The following RGS9 variants were observed in gnomAD, a reference collection of about 807,000 sequenced individuals.
RGS9 encodes regulator of G protein signaling 9, also known as regulator of G-protein signalling 9.
A neutral mutation model predicts 102.0 loss-of-function variants in RGS9; 78 were observed. That is an observed-to-expected ratio of 0.76 (90% CI 0.64 to 0.92). RGS9 has a LOEUF of 0.92. Among genes scored for constraint, RGS9 ranks in the 40% least tolerant of loss-of-function variants. The pLI, the probability that RGS9 is intolerant of heterozygous loss-of-function variation, is 0.00. For synonymous variants in RGS9, 353 were observed against 318.6 expected (o/e 1.11, Z -1.15); for missense variants, 833 against 866.1 (o/e 0.96, Z 0.48).
Position 65,207,948 on chromosome 17 carries a change from T to A in RGS9, c.1230T>A (p.Ser410=). The change falls in exon 16 of 19, where the codon TCT becomes TCA. Residue 410 remains serine (S), a synonymous_variant. Coordinates refer to ENST00000262406, the MANE Select transcript of RGS9 (RefSeq NM_003835.4). ...KKDSYARYLK[S]PIYKDMLAKA... ...ATTCTTATGCTCGCTATTTAAAATC[T>A]CCGATCTATAAGGACATGCTGGCCA... 1 of 1,613,156 alleles carries A rather than the reference T, an allele frequency of 6.2e-7. No individual in the cohort carries two copies. Among genetic ancestry groups the A allele is most frequent in the Non-Finnish European group, 8.5e-7 (1 of 1,179,204 alleles).
At chr17:65,170,211 T>C (rs1196562828) in intron 8 of RGS9, among the ~76,000 whole-genome samples, 1 of 152,092 alleles carries the variant, frequency 6.6e-6, no homozygotes, top group African/African-American at 2.4e-5. Context: ...TGCACCACCA[T>C]GTCCGGCTAA....
chr17:65,221,423 T>C (rs1171925111), intron 17 of RGS9, among the ~76,000 whole-genome samples: 2 of 152,218 alleles, frequency 1.3e-5, no homozygotes, highest in Non-Finnish European at 2.9e-5. Flanking sequence ...GTTAATTCTG[T>C]ATCTCTCTTG....
chr17:65,190,405 A>T (rs549376600), intron 11 of RGS9, among the ~76,000 whole-genome samples, 169 bp downstream of exon 11: 1 of 152,290 alleles, frequency 6.6e-6, no homozygotes, highest in South Asian at 2.1e-4. Flanking sequence ...CCTCAGAATA[A>T]ACCTCCGGGT....
intron 2 of RGS9, 138 bp from the exon 3 acceptor site, chr17:65,158,157 G>A: frequency 1.2e-6 from 1 of 805,070 alleles, no homozygotes; most frequent in East Asian, 2.5e-5. Flanking sequence ...ATGATGAGGT[G>A]GGGGTTTCTG....
rs534526636 is a variant in RGS9, at chr17:65,198,727, A to C, written c.976+1486A>C. Among the ~76,000 whole-genome samples, 3 of 152,350 alleles carry C rather than the reference A, an allele frequency of 2.0e-5. No individual in the cohort carries two copies. The South Asian group carries it at 6.2e-4, about 32-fold the overall frequency. On this transcript the variant is annotated intron_variant, in intron 13 of 18. Coordinates refer to ENST00000262406, the MANE Select transcript of RGS9 (RefSeq NM_003835.4). ...CTGGGGGCATCACTCCTGAGCCTTG[A>C]CACTCAGCTGCTTACTACCCAAGAT... is the stretch of plus-strand genomic sequence containing the variant.
chr17:65,217,410 C>T (rs745774470), intron 17 of RGS9, among the ~76,000 whole-genome samples: 3 of 152,288 alleles, frequency 2.0e-5, no homozygotes, highest in South Asian at 4.1e-4. Context: ...CCCATCCTGC[C>T]GTGCCGAATC....
chr17:65,160,710 T>C, intron 5 of RGS9, 123 bp downstream of exon 5: 2 of 1,389,148 alleles, frequency 1.4e-6, no homozygotes, highest in Non-Finnish European at 1.0e-6. Flanking sequence ...ACATCTGTAC[T>C]GGGCATGTCC....
At chr17:65,163,572 C>T (rs192477391) in intron 7 of RGS9, among the ~76,000 whole-genome samples, 49 of 152,248 alleles carry the variant, frequency 3.2e-4, no homozygotes, top group African/African-American at 1.2e-3. Context: ...TCAAAAGACA[C>T]AGTCTCATAG....
intron 17 of RGS9, among the ~76,000 whole-genome samples, chr17:65,218,839 G>A (rs968637052): frequency 6.6e-6 from 1 of 152,234 alleles, no homozygotes; most frequent in South Asian, 2.1e-4. Context: ...TTCAGCACCT[G>A]TTACATGCCC....
chr17:65,171,147 G>C (rs1014467430), intron 8 of RGS9, among the ~76,000 whole-genome samples: 12 of 152,190 alleles, frequency 7.9e-5, no homozygotes, highest in Admixed American at 2.6e-4. Flanking sequence ...GTGGCCTGCT[G>C]TTACTGAACC....
chr17:65,217,221 A>G (rs549064691), intron 17 of RGS9, among the ~76,000 whole-genome samples: 2 of 152,308 alleles, frequency 1.3e-5, no homozygotes, highest in Admixed American at 1.3e-4. Context: ...CCACATGTCT[A>G]GTTGTGGCCA....
chr17:65,189,502 G>GCTGGGT (rs1912275313), intron 10 of RGS9, among the ~76,000 whole-genome samples, 187 bp downstream of exon 10: 1 of 152,210 alleles, frequency 6.6e-6, no homozygotes, highest in African/African-American at 2.4e-5. Flanking sequence ...TGGGGCTGGG[G>GCTGGGT]CTGAGGCTGG....
intron 1 of RGS9, among the ~76,000 whole-genome samples, chr17:65,140,196 C>T (rs1910104443): frequency 1.3e-5 from 2 of 152,200 alleles, no homozygotes; most frequent in Admixed American, 1.3e-4. Flanking sequence ...TGGTCGTTGT[C>T]TGTCACAAGT....
intron 9 of RGS9, among the ~76,000 whole-genome samples, chr17:65,180,916 C>T (rs905312810): frequency 2.6e-5 from 4 of 152,166 alleles, no homozygotes; most frequent in Admixed American, 1.3e-4. Flanking sequence ...TTTTCTGTTC[C>T]TGCGTTAGTT....
At chr17:65,216,006 T>A (rs553234312) in intron 17 of RGS9, among the ~76,000 whole-genome samples, 5 of 152,008 alleles carry the variant, frequency 3.3e-5, no homozygotes, top group Non-Finnish European at 7.4e-5. Flanking sequence ...AAGGAGAATG[T>A]CAAGGAGGAA....
At chr17:65,215,781 G>A (rs1184894242) in intron 17 of RGS9, among the ~76,000 whole-genome samples, 1 of 151,774 alleles carries the variant, frequency 6.6e-6, no homozygotes, top group East Asian at 1.9e-4. Flanking sequence ...GGCTGGTCTC[G>A]AACACCTGAC....
intron 2 of RGS9, among the ~76,000 whole-genome samples, chr17:65,157,907 T>TTG (rs1376662384): frequency 1.3e-3 from 196 of 152,040 alleles, no homozygotes; most frequent in African/African-American, 4.5e-3. Flanking sequence ...CGGGTCTGTT[T>TTG]TGTGTGTGTG....
chr17:65,137,638 G>A (rs1275868975), intron 1 of RGS9, 41 bp downstream of exon 1: 45 of 1,605,810 alleles, frequency 2.8e-5, no homozygotes, highest in Non-Finnish European at 3.8e-5. Flanking sequence ...AGGAGGGCGG[G>A]GGACCGCATC....
chr17:65,163,902 G>A (rs189397827), intron 7 of RGS9, among the ~76,000 whole-genome samples: 6 of 152,344 alleles, frequency 3.9e-5, no homozygotes, highest in Admixed American at 2.0e-4. Flanking sequence ...GGGCTTTGTG[G>A]TGAGGGCCAT....
Sources: allele counts gnomAD v4.1 joint callset (sites outside exome capture counted in the v4.1 genomes callset), GRCh38; gene constraint gnomAD v4.1.1; transcripts MANE v1.5; gene names NCBI Gene and HGNC (gene_info 2026-07-23, HGNC 2026-07-21).